The following LIPN variants were observed in gnomAD, a reference collection of about 807,000 sequenced individuals.
LIPN encodes the protein lipase member N.
A neutral mutation model predicts 43.7 loss-of-function variants in LIPN; 32 were observed. The ratio of observed to expected loss-of-function variants is 0.73; its 90% CI spans 0.55 to 0.98. LIPN has a LOEUF of 0.98. Ranked by LOEUF, LIPN falls within the 50% of genes least tolerant of loss-of-function variation. The probability of loss-of-function intolerance (pLI) is 0.00; values close to 1 mark genes in which losing one functional copy is unlikely to be tolerated. For missense variants in LIPN, 505 were observed against 483.8 expected, an observed-to-expected ratio of 1.04 and a Z score of -0.41; for synonymous variants, 156 against 157.6, an observed-to-expected ratio of 0.99 and a Z score of 0.08.
intron 2 of LIPN, 138 bp from the exon 3 acceptor site, chr10:88,762,046 CTTTA>C (rs1476059037): frequency 1.2e-5 from 6 of 495,796 alleles, no homozygotes; most frequent in South Asian, 4.1e-5. Context: ...TGTATTAAGA[CTTTA>C]TTTATTAATT....
At chr10:88,764,710 G>A (rs1843063716) in intron 4 of LIPN, 102 bp downstream of exon 4, 1 of 763,306 alleles carries the variant, frequency 1.3e-6, no homozygotes, top group Admixed American at 3.2e-5. Context: ...AAGTCATATA[G>A]CTCCTTGTAG....
At position 88,761,514 on chromosome 10, in the gene LIPN, G is replaced by A. The variant is rs928347834; in HGVS notation, c.108+1G>A. ...GAATCCTGAGGTGTGGATGAATACT[G>A]TAAGTCATGGAAAACTGTGAAGAAC... On this transcript the variant is annotated splice_donor_variant, in intron 2 of 9. Coordinates refer to ENST00000404459, the MANE Select transcript of LIPN (RefSeq NM_001102469.2). LOFTEE classifies it high-confidence loss of function. 6.3e-7 allele frequency: 1 copy of A among 1,591,900 alleles called. No individual in the cohort carries two copies. Among genetic ancestry groups the A allele is most frequent in the South Asian group, 1.1e-5 (1 of 90,464 alleles).
At chr10:88,769,998 T>G (rs1335054155) in intron 6 of LIPN, among the ~76,000 whole-genome samples, 1 of 151,912 alleles carries the variant, frequency 6.6e-6, no homozygotes, top group Non-Finnish European at 1.5e-5. Context: ...TAAATACATA[T>G]ATGCGTTGTT....
chr10:88,779,135 A>G lies in LIPN; in HGVS notation c.*893A>G, dbSNP rs1365195876. ...AGAAGCCACCAAAATATTTTACCTA[A>G]TGGAAACCTGATTGCCGCATTTTTG... On this transcript the variant is annotated 3_prime_UTR_variant, in exon 10 of 10. Transcript: ENST00000404459. Among the ~76,000 whole-genome samples, 2 of 152,200 alleles carry G rather than the reference A, an allele frequency of 1.3e-5. No homozygotes were observed. Among genetic ancestry groups the G allele is most frequent in the South Asian group, 2.1e-4 (1 of 4,836 alleles).
In LIPN at chr10:88,775,085, G is replaced by C. The variant is rs1379458425; in HGVS notation, c.892-7G>C. The C allele has an allele frequency of 6.6e-7, 1 of 1,525,310 alleles. No individual in the cohort carries two copies. Among genetic ancestry groups the C allele is most frequent in the Admixed American group, 2.0e-5 (1 of 49,244 alleles). The allele number at this position is 1,525,310 out of a possible 1,614,324, so 94.5% of individuals were successfully genotyped here. A position where few individuals can be genotyped will look rare whatever the true frequency, so the allele number is the denominator to read the frequency against. ...ACTATTCTTTTTCTAAAAAACATTT[G>C]TTTCAGCTTTACCACTCTGATGAAT... On this transcript the variant is annotated splice_polypyrimidine_tract_variant and splice_region_variant and intron_variant, in intron 8 of 9. Transcript: ENST00000404459.
At chr10:88,762,570 G>A (rs1843020461) in intron 3 of LIPN, among the ~76,000 whole-genome samples, 1 of 152,032 alleles carries the variant, frequency 6.6e-6, no homozygotes, top group South Asian at 2.1e-4. Flanking sequence ...GGCAGAGCCT[G>A]CATTTTGTCA....
rs1392798550 is a variant in LIPN, at chr10:88,778,294, CT to C, written c.*55del. The C allele has an allele frequency of 1.4e-6, 2 of 1,384,228 alleles. No homozygotes were observed. The highest frequency in any genetic ancestry group is 2.9e-5 in the African/African-American group (2 of 69,466). The allele number at this position is 1,384,228 out of a possible 1,614,324, so 85.7% of individuals were successfully genotyped here. ...AAGTTGCTTCCAAGCCCATAAGGGA[CT>C]TTAGAAAAAATAGTAACCAACAATG... On this transcript the variant is annotated 3_prime_UTR_variant, in exon 10 of 10. Coordinates refer to ENST00000404459, the MANE Select transcript of LIPN (RefSeq NM_001102469.2).
chr10:88,759,685 C>T (rs1301919914), upstream of LIPN, among the ~76,000 whole-genome samples: 1 of 152,046 alleles, frequency 6.6e-6, no homozygotes, highest in African/African-American at 2.4e-5. Context: ...CCGTTTGATC[C>T]TCATGAAGGA....
At chr10:88,761,271 ATACATTATC>A (rs1842991396) in intron 1 of LIPN, 118 bp from the exon 2 acceptor site, 3 of 651,084 alleles carry the variant, frequency 4.6e-6, no homozygotes, top group Non-Finnish European at 8.3e-6. Context: ...ATTCCTTTTT[ATACATTATC>A]TGCCTTCGGT....
At chr10:88,766,239 A>G in intron 4 of LIPN, 30 bp from the exon 5 acceptor site, 1 of 1,074,256 alleles carries the variant, frequency 9.3e-7, no homozygotes, top group Non-Finnish European at 1.4e-6. Flanking sequence ...ACTTGCAAGT[A>G]TTTATAAAAG....
At chr10:88,766,542 C>A (rs922125322) in intron 5 of LIPN, among the ~76,000 whole-genome samples, 164 bp downstream of exon 5, 1 of 151,868 alleles carries the variant, frequency 6.6e-6, no homozygotes, top group African/African-American at 2.4e-5. Flanking sequence ...TAGCTGTGAG[C>A]CTGCAGTGCA....
At position 88,778,460 on chromosome 10, in the gene LIPN, A is replaced by G. The variant is rs970470968; in HGVS notation, c.*218A>G. The stretch of plus-strand genomic sequence containing the variant: ...TTATAAACAATGAGGTAGATTAGGC[A>G]AAAAGATAAACAAGTTGCTACTCTA... On this transcript the variant is annotated 3_prime_UTR_variant, in exon 10 of 10. Coordinates refer to ENST00000404459, the MANE Select transcript of LIPN (RefSeq NM_001102469.2). Among the ~76,000 whole-genome samples the G allele has an allele frequency of 1.3e-5, 2 of 152,186 alleles. No homozygotes were observed. The highest frequency in any genetic ancestry group is 4.8e-5 in the African/African-American group (2 of 41,456).
At position 88,778,041 on chromosome 10, in the gene LIPN, G is replaced by T; in HGVS notation, c.996G>T (p.Met332Ile). The T allele has an allele frequency of 6.2e-7, 1 of 1,613,406 alleles. No homozygotes were observed. The highest frequency in any genetic ancestry group is 8.5e-7 in the Non-Finnish European group (1 of 1,179,582). The change falls in exon 10 of 10, where the codon ATG becomes ATT. Residue 332 changes from methionine to isoleucine, a missense_variant. Met to Ile is a conservative substitution (Grantham distance 10). Coordinates refer to ENST00000404459, the MANE Select transcript of LIPN (RefSeq NM_001102469.2). ...SHPPIYDLTA[M>I]KVPTAIWAGG... ...CCCCTATATATGACCTGACTGCCAT[G>T]AAAGTGCCTACTGCTATTTGGGCTG...
At position 88,779,377 on chromosome 10, in the gene LIPN, CA is replaced by C. The variant is rs555426048; in HGVS notation, c.*1139del. Reference sequence around the variant, plus strand: ...CTGGCCCCTGGAGCCATTCTTCTCTCAAAACTAGCATTCATCAATTTAATGT... The same window carrying C: ...CTGGCCCCTGGAGCCATTCTTCTCTCAAACTAGCATTCATCAATTTAATGT... On this transcript the variant is annotated 3_prime_UTR_variant, in exon 10 of 10. Coordinates refer to ENST00000404459, the MANE Select transcript of LIPN (RefSeq NM_001102469.2). 2.8e-3 allele frequency among the ~76,000 whole-genome samples: 421 copies of C among 152,224 alleles called. No individual in the cohort carries two copies. Among genetic ancestry groups the C allele is most frequent in the Admixed American group, 4.5e-3 (69 of 15,258 alleles).
chr10:88,765,746 C>T (rs561245595), intron 4 of LIPN, among the ~76,000 whole-genome samples: 11 of 144,316 alleles, frequency 7.6e-5, no homozygotes, highest in Non-Finnish European at 1.5e-4. Flanking sequence ...TTCTTTCATA[C>T]TATTAAACCC....
At position 88,761,518 on chromosome 10, in the gene LIPN, G is replaced by C. The variant is rs374553115; in HGVS notation, c.108+5G>C. ...CCTGAGGTGTGGATGAATACTGTAA[G>C]TCATGGAAAACTGTGAAGAACATCA... On this transcript the variant is annotated splice_donor_5th_base_variant and intron_variant, in intron 2 of 9. Coordinates refer to ENST00000404459, the MANE Select transcript of LIPN (RefSeq NM_001102469.2). 18 of 1,588,402 alleles carry C rather than the reference G, an allele frequency of 1.1e-5. No homozygotes were observed. The highest frequency in any genetic ancestry group is 5.0e-5 in the Admixed American group (3 of 59,730).
intron 7 of LIPN, among the ~76,000 whole-genome samples, chr10:88,772,490 G>A (rs892652725): frequency 8.6e-5 from 13 of 151,924 alleles, no homozygotes; most frequent in African/African-American, 3.1e-4. Flanking sequence ...AGTTTTCCCA[G>A]CATCATTTCT....
Position 88,775,284 on chromosome 10 carries a change from T to A in LIPN, c.963+121T>A, listed in dbSNP as rs186491094. On this transcript the variant is annotated intron_variant, in intron 9 of 9. Coordinates refer to ENST00000404459, the MANE Select transcript of LIPN (RefSeq NM_001102469.2). Reference sequence around the variant, plus strand: ...CATTTATACTGATAGAACTTTTTTTTAAAAAAATTTTAATTTTAATTTTAA... The same window carrying A: ...CATTTATACTGATAGAACTTTTTTTAAAAAAAATTTTAATTTTAATTTTAA... The A allele has an allele frequency of 1.5e-3, 703 of 472,276 alleles. 1 individual carries two copies. The highest frequency in any genetic ancestry group is 4.3e-3 in the African/African-American group (208 of 48,592). The allele number at this position is 472,276 out of a possible 1,614,324, so 29.3% of individuals were successfully genotyped here.
intron 9 of LIPN, 56 bp from the exon 10 acceptor site, chr10:88,777,953 T>TAAA: frequency 1.9e-6 from 2 of 1,041,260 alleles, no homozygotes; most frequent in South Asian, 2.8e-5. Context: ...GCAGCCTTTG[T>TAAA]AGTTATTGCT....
Sources: gnomAD v4.1 joint callset for allele counts (sites outside exome capture counted in the v4.1 genomes callset) on GRCh38, gnomAD v4.1.1 for gene constraint, MANE v1.5 for transcripts, NCBI Gene and HGNC (gene_info 2026-07-23, HGNC 2026-07-21) for gene names.